KIRREL3: variants seen among roughly 807,000 people sequenced by gnomAD.
KIRREL3 encodes kirre like nephrin family adhesion molecule 3.
A neutral mutation model predicts 89.7 loss-of-function variants in KIRREL3; 36 were observed. That is an observed-to-expected ratio of 0.40 (90% CI 0.31 to 0.53). The LOEUF (loss-of-function observed/expected upper bound fraction) is 0.53. Ranked by LOEUF, KIRREL3 falls within the 20% of genes least tolerant of loss-of-function variation. The pLI, the probability that KIRREL3 is intolerant of heterozygous loss-of-function variation, is 0.49. For synonymous variants in KIRREL3, 445 were observed against 441.4 expected (o/e 1.01, Z -0.10); for missense variants, 864 against 1,056.6 (o/e 0.82, Z 2.53).
rs531792299 is a variant in KIRREL3 at position 126,812,306 on chromosome 11, T to C, written c.55+188149A>G. On this transcript the variant is annotated intron_variant, in intron 1 of 16. Coordinates refer to ENST00000525144, the MANE Select transcript of KIRREL3 (RefSeq NM_032531.4). The surrounding 1 kb of genome is among the most constrained non-coding windows in gnomAD (Gnocchi z 5.2). ...TTGTAGATGTGGCTGGTGATAATAATGAGAAGGACTGGGGGAAAACGAAGT... is the reference window on the plus strand; with the variant it reads ...TTGTAGATGTGGCTGGTGATAATAACGAGAAGGACTGGGGGAAAACGAAGT... 6.6e-6 allele frequency among the ~76,000 whole-genome samples: 1 copy of C among 152,234 alleles called. No homozygotes were observed. Among genetic ancestry groups the C allele is most frequent in the South Asian group, 2.1e-4 (1 of 4,808 alleles).
intron 1 of KIRREL3, among the ~76,000 whole-genome samples, chr11:126,572,048 C>T (rs975203681): frequency 6.6e-6 from 1 of 152,196 alleles, no homozygotes; most frequent in Non-Finnish European, 1.5e-5. Context: ...TTGAATGGGG[C>T]CAGATGCTCG....
At position 126,970,777 on chromosome 11, in the gene KIRREL3, C is replaced by A. The variant is rs1488936903; in HGVS notation, c.55+29678G>T. ...GAACTCCATTTAATTTAGAACATTG[C>A]TTCCATGAGAACAAGGTTTTCCTAG... is the stretch of plus-strand genomic sequence containing the variant. On this transcript the variant is annotated intron_variant, in intron 1 of 16. Coordinates refer to ENST00000525144, the MANE Select transcript of KIRREL3 (RefSeq NM_032531.4). The surrounding 1 kb of genome is among the most constrained non-coding windows in gnomAD (Gnocchi z 4.4). Among the ~76,000 whole-genome samples, 1 of 152,144 alleles carries A rather than the reference C, an allele frequency of 6.6e-6. No individual in the cohort carries two copies. Among genetic ancestry groups the A allele is most frequent in the African/African-American group, 2.4e-5 (1 of 41,428 alleles).
rs1034567906 is a variant in KIRREL3, at chr11:126,644,029, C to T, written c.56-81117G>A. Reference sequence around the variant, plus strand: ...TGCTCAGTCTAGCTGGAACTATGTGCCTACAGTCCAGGCCATCGTCCAGAA... The same window carrying T: ...TGCTCAGTCTAGCTGGAACTATGTGTCTACAGTCCAGGCCATCGTCCAGAA... On this transcript the variant is annotated intron_variant, in intron 1 of 16. Coordinates refer to ENST00000525144, the MANE Select transcript of KIRREL3 (RefSeq NM_032531.4). Among the ~76,000 whole-genome samples, 15 of 152,286 alleles carry T rather than the reference C, an allele frequency of 9.8e-5. No homozygotes were observed. In the East Asian group the frequency reaches 1.5e-3, roughly 16 times the overall value.
intron 1 of KIRREL3, among the ~76,000 whole-genome samples, chr11:126,727,267 A>G (rs1948426678): frequency 6.6e-6 from 1 of 152,266 alleles, no homozygotes; most frequent in South Asian, 2.1e-4. Flanking sequence ...TGCACAGAGC[A>G]GGCTGGCTTC....
In KIRREL3 at chr11:126,761,892, G is replaced by A. The variant is rs186379910; in HGVS notation, c.56-198980C>T. 2.0e-5 allele frequency among the ~76,000 whole-genome samples: 3 copies of A among 152,082 alleles called. No homozygotes were observed. The highest frequency in any genetic ancestry group is 1.3e-4 in the Admixed American group (2 of 15,272). On this transcript the variant is annotated intron_variant, in intron 1 of 16. Transcript: ENST00000525144. The surrounding 1 kb of genome is among the most constrained non-coding windows in gnomAD (Gnocchi z 4.4). ...TGTGAATTTCCTATAATTAAATATA[G>A]TTTGGGCTGGGTGAGGTGGCTCAAG...
At chr11:126,806,485 G>A (rs1489493354) in intron 1 of KIRREL3, among the ~76,000 whole-genome samples, 1 of 152,098 alleles carries the variant, frequency 6.6e-6, no homozygotes, top group African/African-American at 2.4e-5. Context: ...AATTATAGAA[G>A]TCCTTCCTGC....
chr11:126,839,187 A>T (rs1382603613), intron 1 of KIRREL3, among the ~76,000 whole-genome samples: 1 of 152,186 alleles, frequency 6.6e-6, no homozygotes, highest in Non-Finnish European at 1.5e-5. Context: ...AACAATGATC[A>T]AGATCATCAA....
intron 1 of KIRREL3, among the ~76,000 whole-genome samples, chr11:126,932,375 AG>A (rs1947987284): frequency 1.3e-5 from 2 of 152,052 alleles, no homozygotes; most frequent in African/African-American, 4.8e-5. Flanking sequence ...GAAAGGGCAA[AG>A]CTCAATGCAT....
chr11:126,499,228 G>A (rs1485562396), intron 4 of KIRREL3, among the ~76,000 whole-genome samples: 2 of 151,852 alleles, frequency 1.3e-5, no homozygotes, highest in African/African-American at 4.8e-5. Context: ...CATTGAATGG[G>A]ATTAAAGGCT....
intron 1 of KIRREL3, among the ~76,000 whole-genome samples, chr11:126,595,575 G>A (rs1462023833): frequency 6.6e-6 from 1 of 152,236 alleles, no homozygotes; most frequent in East Asian, 1.9e-4. Context: ...GGGATGCATT[G>A]TGAGCATCAT....
chr11:126,958,736 G>A (rs1591383435), intron 1 of KIRREL3, among the ~76,000 whole-genome samples: 1 of 152,196 alleles, frequency 6.6e-6, no homozygotes, highest in Admixed American at 6.5e-5. Flanking sequence ...GGTGGTTAGT[G>A]TGGTTTTGGG....
intron 1 of KIRREL3, among the ~76,000 whole-genome samples, chr11:126,847,327 T>C (rs914384673): frequency 6.6e-6 from 1 of 151,946 alleles, no homozygotes; most frequent in African/African-American, 2.4e-5. Flanking sequence ...AATTGTTACA[T>C]AAAATCATTG....
intron 1 of KIRREL3, among the ~76,000 whole-genome samples, chr11:126,660,391 A>C (rs894252491): frequency 6.6e-6 from 1 of 152,368 alleles, no homozygotes; most frequent in East Asian, 1.9e-4. Context: ...AGACGTAGGC[A>C]CATGTTCACA....
At chr11:126,450,469 G>A (rs1039388300) in intron 7 of KIRREL3, among the ~76,000 whole-genome samples, 2 of 150,858 alleles carry the variant, frequency 1.3e-5, no homozygotes, top group African/African-American at 4.9e-5. Flanking sequence ...GTGTGTGAAT[G>A]TGTGCATGTG....
chr11:126,970,008 G>A lies in KIRREL3; in HGVS notation c.55+30447C>T, dbSNP rs1321785786. Among the ~76,000 whole-genome samples, 1 of 152,144 alleles carries A rather than the reference G, an allele frequency of 6.6e-6. No individual in the cohort carries two copies. The highest frequency in any genetic ancestry group is 1.5e-5 in the Non-Finnish European group (1 of 68,026). On this transcript the variant is annotated intron_variant, in intron 1 of 16. Transcript: ENST00000525144. The surrounding 1 kb of genome is among the most constrained non-coding windows in gnomAD (Gnocchi z 4.4). ...ATGACTCTATCTGAGTTAAGACAAC[G>A]CAATACGAAAGAAAATCTGGCTAAA...
chr11:126,938,142 C>G (rs1948286574), intron 1 of KIRREL3, among the ~76,000 whole-genome samples: 1 of 152,138 alleles, frequency 6.6e-6, no homozygotes, highest in Admixed American at 6.5e-5. Context: ...CTATACCTAC[C>G]TGGCAAAGTA....
chr11:126,443,455 G>A lies in KIRREL3; in HGVS notation c.1252+1524C>T, dbSNP rs1425353617. 6.6e-6 allele frequency among the ~76,000 whole-genome samples: 1 copy of A among 152,186 alleles called. No individual in the cohort carries two copies. The highest frequency in any genetic ancestry group is 1.5e-5 in the Non-Finnish European group (1 of 68,038). The stretch of plus-strand genomic sequence containing the variant: ...AGCCCTGCAGTGCCAATTTATTGGT[G>A]GCATCCTGGGGACACTCAGGAAAGG... On this transcript the variant is annotated intron_variant, in intron 10 of 16. Coordinates refer to ENST00000525144, the MANE Select transcript of KIRREL3 (RefSeq NM_032531.4). The surrounding 1 kb of genome is among the most constrained non-coding windows in gnomAD (Gnocchi z 7.3).
chr11:126,476,941 G>C lies in KIRREL3; in HGVS notation c.434-3475C>G, dbSNP rs1957084213. Among the ~76,000 whole-genome samples, 1 of 152,254 alleles carries C rather than the reference G, an allele frequency of 6.6e-6. No homozygotes were observed. The highest frequency in any genetic ancestry group is 2.1e-4 in the South Asian group (1 of 4,830). On this transcript the variant is annotated intron_variant, in intron 4 of 16. Coordinates refer to ENST00000525144, the MANE Select transcript of KIRREL3 (RefSeq NM_032531.4). This position sits in a 1 kb window ranked among gnomAD's most constrained non-coding sequence, Gnocchi z 6.4. ...GCTTCTAATTTTTAATCACAAGGAA[G>C]GTGGAGGCGTTAGCCTTTTCGTGAT...
chr11:126,703,097 C>T lies in KIRREL3; in HGVS notation c.56-140185G>A, dbSNP rs1419486513. Among the ~76,000 whole-genome samples the T allele has an allele frequency of 6.6e-6, 1 of 152,170 alleles. No homozygotes were observed. ...AGTAGTAGATGGCGTATTCTCTGGG[C>T]TGTGAATCCTGGTCAGGTGGGGGTG... On this transcript the variant is annotated intron_variant, in intron 1 of 16. Transcript: ENST00000525144. This position sits in a 1 kb window ranked among gnomAD's most constrained non-coding sequence, Gnocchi z 4.6.
Sources: gnomAD v4.1 joint callset for allele counts (sites outside exome capture counted in the v4.1 genomes callset) on GRCh38, gnomAD v4.1.1 for gene constraint, Gnocchi (gnomAD v3.1) non-coding constraint, MANE v1.5 for transcripts, NCBI Gene and HGNC (gene_info 2026-07-23, HGNC 2026-07-21) for gene names.